SCOC: variants seen among roughly 807,000 people sequenced by gnomAD.
SCOC encodes the protein short coiled coil protein.
SCOC carries 7 observed loss-of-function variants against 9.9 expected under a neutral mutation model. That is an observed-to-expected ratio of 0.71 (90% CI 0.40 to 1.33). SCOC has a LOEUF of 1.33. Ranked by LOEUF, SCOC falls within the 40% of genes most tolerant of loss-of-function variation. SCOC has a pLI of 0.01. For missense variants in SCOC, 66 were observed against 89.7 expected (o/e 0.74, Z 1.07); for synonymous variants, 19 against 28.2 (o/e 0.67, Z 1.03).
chr4:140,343,991 C>T (rs78010993), intron 2 of SCOC, among the ~76,000 whole-genome samples: 2,944 of 152,184 alleles, frequency 0.019, 91 homozygotes, highest in African/African-American at 0.068. Context: ...GTCAAAGTTG[C>T]TACGAAAACA....
chr4:140,321,894 T>C (rs1732510235), intron 1 of SCOC, among the ~76,000 whole-genome samples: 1 of 152,196 alleles, frequency 6.6e-6, no homozygotes, highest in Non-Finnish European at 1.5e-5. Context: ...AGATGGGTCT[T>C]AATGGGAGGT....
At chr4:140,378,358 T>G (rs1215320435) in intron 1 of SCOC, among the ~76,000 whole-genome samples, 2 of 152,148 alleles carry the variant, frequency 1.3e-5, no homozygotes, top group Admixed American at 1.3e-4. Context: ...ATTTTCATGT[T>G]TTTTATGCAT....
intron 1 of SCOC, among the ~76,000 whole-genome samples, chr4:140,308,353 A>G (rs1341618700): frequency 6.6e-6 from 1 of 152,174 alleles, no homozygotes; most frequent in African/African-American, 2.4e-5. Context: ...AATGCCACTC[A>G]GTTGATGCTT....
intron 1 of SCOC, chr4:140,343,567 C>T (rs556296980): frequency 6.2e-5 from 68 of 1,105,028 alleles, no homozygotes; most frequent in East Asian, 4.4e-4. Context: ...TTAACAAGGG[C>T]GGTCACATGG....
At chr4:140,276,077 A>G (rs750810807) in intron 1 of SCOC, among the ~76,000 whole-genome samples, 1 of 151,950 alleles carries the variant, frequency 6.6e-6, no homozygotes, top group African/African-American at 2.4e-5. Flanking sequence ...TATTCGGCTC[A>G]CTGCAAGCTC....
intron 1 of SCOC, among the ~76,000 whole-genome samples, chr4:140,305,276 C>A (rs1162289539): frequency 6.6e-6 from 1 of 152,124 alleles, no homozygotes; most frequent in East Asian, 1.9e-4. Flanking sequence ...GCCGTCTTGA[C>A]AAATAGGTAT....
exon 1 of SCOC, chr4:140,343,446 T>C: frequency 2.0e-6 from 1 of 503,012 alleles, no homozygotes; most frequent in Non-Finnish European, 3.6e-6. Flanking sequence ...TCCTACCACT[T>C]CCGGTTAAGA....
intron 2 of SCOC, among the ~76,000 whole-genome samples, chr4:140,345,789 CT>C (rs2126517007): frequency 6.6e-6 from 1 of 152,204 alleles, no homozygotes; most frequent in African/African-American, 2.4e-5. Flanking sequence ...GTCTAAATGC[CT>C]TGCCCAAGAG....
chr4:140,348,929 G>A (rs1726859418), intron 2 of SCOC, among the ~76,000 whole-genome samples: 1 of 152,082 alleles, frequency 6.6e-6, no homozygotes, highest in East Asian at 1.9e-4. Context: ...TTATCTCATG[G>A]TGGTTTTAAT....
upstream of SCOC, among the ~76,000 whole-genome samples, chr4:140,373,042 T>C (rs1728122133): frequency 1.3e-5 from 2 of 152,244 alleles, no homozygotes; most frequent in African/African-American, 4.8e-5. Flanking sequence ...AAATATTAAA[T>C]GGCCACGCAC....
intron 3 of SCOC, among the ~76,000 whole-genome samples, chr4:140,379,943 G>T (rs984545269): frequency 2.6e-5 from 4 of 152,016 alleles, no homozygotes; most frequent in African/African-American, 9.7e-5. Flanking sequence ...CTTTAATAAA[G>T]CTTATTTTAA....
intron 2 of SCOC, among the ~76,000 whole-genome samples, chr4:140,354,740 G>A (rs1005149185): frequency 1.3e-5 from 2 of 151,744 alleles, no homozygotes; most frequent in Non-Finnish European, 2.9e-5. Flanking sequence ...CTTTTTGAGG[G>A]AGGAAGATTA....
intron 2 of SCOC, among the ~76,000 whole-genome samples, chr4:140,355,872 T>A (rs1038393763): frequency 6.6e-6 from 1 of 152,194 alleles, no homozygotes; most frequent in Admixed American, 6.5e-5. Context: ...GGTTATTAGA[T>A]TTTCATGTTA....
intron 2 of SCOC, among the ~76,000 whole-genome samples, chr4:140,348,171 A>G (rs1163148312): frequency 2.6e-5 from 4 of 152,164 alleles, no homozygotes; most frequent in Non-Finnish European, 4.4e-5. Context: ...GAGAACACTT[A>G]AAATCTACTC....
At chr4:140,271,976 T>G (rs997184211) in intron 1 of SCOC, among the ~76,000 whole-genome samples, 2 of 151,874 alleles carry the variant, frequency 1.3e-5, no homozygotes, top group African/African-American at 2.4e-5. Context: ...ACAGAGATTA[T>G]GGCAGCGCAA....
chr4:140,268,147 A>G (rs1267669979), intron 1 of SCOC, among the ~76,000 whole-genome samples: 3 of 152,360 alleles, frequency 2.0e-5, no homozygotes, highest in African/African-American at 7.2e-5. Flanking sequence ...CAGTGGCACC[A>G]GAGAGCAGAG....
chr4:140,292,193 T>TTG (rs1413833677), intron 1 of SCOC, among the ~76,000 whole-genome samples: 2 of 151,354 alleles, frequency 1.3e-5, no homozygotes, highest in African/African-American at 4.9e-5. Flanking sequence ...CTTCTGGTTT[T>TTG]TTTTTTTTTT....
chr4:140,275,634 G>A (rs932255263), intron 1 of SCOC, among the ~76,000 whole-genome samples: 1 of 152,116 alleles, frequency 6.6e-6, no homozygotes, highest in Non-Finnish European at 1.5e-5. Context: ...TCAGACAAGG[G>A]ATGGAGCTCA....
intron 1 of SCOC, among the ~76,000 whole-genome samples, chr4:140,272,580 T>C (rs761755169): frequency 6.6e-6 from 1 of 152,122 alleles, no homozygotes; most frequent in South Asian, 2.1e-4. Context: ...AGGGCAGAGG[T>C]ATTTGTCTAT....
Sources: allele counts gnomAD v4.1 joint callset (sites outside exome capture counted in the v4.1 genomes callset), GRCh38; gene constraint gnomAD v4.1.1; transcripts MANE v1.5; gene names NCBI Gene and HGNC (gene_info 2026-07-23, HGNC 2026-07-21).